GALNT11: variants seen among roughly 807,000 people sequenced by gnomAD.
GALNT11 encodes the protein polypeptide N-acetylgalactosaminyltransferase 11, also known as UDP-GalNAc:polypeptide N-acetylgalactosaminyltransferase 11.
In GALNT11, 47 loss-of-function variants were observed where a neutral mutation model predicts 72.7. That is an observed-to-expected ratio of 0.65 (90% CI 0.51 to 0.82). The LOEUF is 0.82. GALNT11 is among the 40% of genes least tolerant of loss of function. GALNT11 has a pLI of 0.00. For missense variants in GALNT11, 677 were observed against 778.4 expected, an observed-to-expected ratio of 0.87 and a Z score of 1.55; for synonymous variants, 270 against 286.6, an observed-to-expected ratio of 0.94 and a Z score of 0.58.
intron 1 of GALNT11, among the ~76,000 whole-genome samples, chr7:152,032,317 CTGGGAGTCA>C (rs1181739714): frequency 6.6e-6 from 1 of 152,122 alleles, no homozygotes; most frequent in Non-Finnish European, 1.5e-5. Context: ...CAAAGAGAAA[CTGGGAGTCA>C]TGGGAGTCAT....
intron 1 of GALNT11, among the ~76,000 whole-genome samples, 194 bp downstream of exon 1, chr7:152,026,078 CCCAGCGTCTCCT>C (rs2081996893): frequency 6.6e-6 from 1 of 152,066 alleles, no homozygotes; most frequent in African/African-American, 2.4e-5. Context: ...CCGCGCCTCC[CCCAGCGTCTCCT>C]GAGGCTTGTT....
chr7:152,105,188 A>G, intron 4 of GALNT11, 57 bp from the exon 5 acceptor site: 1 of 1,550,002 alleles, frequency 6.5e-7, no homozygotes, highest in African/African-American at 1.4e-5. Context: ...GAATAGCTGT[A>G]AAGTGTCTTT....
intron 1 of GALNT11, among the ~76,000 whole-genome samples, chr7:152,058,167 A>C (rs963349545): frequency 5.3e-5 from 8 of 152,168 alleles, no homozygotes; most frequent in Non-Finnish European, 1.2e-4. Flanking sequence ...TTAAAAAAAA[A>C]GCCCAATGTG....
intron 1 of GALNT11, among the ~76,000 whole-genome samples, chr7:152,072,681 T>C (rs2084728344): frequency 6.6e-6 from 1 of 152,262 alleles, no homozygotes; most frequent in Admixed American, 6.5e-5. Context: ...CTTCCTTTTT[T>C]CCTTTGTTCC....
At chr7:152,060,466 C>T (rs1488387806) in intron 1 of GALNT11, among the ~76,000 whole-genome samples, 1 of 151,826 alleles carries the variant, frequency 6.6e-6, no homozygotes, top group Non-Finnish European at 1.5e-5. Flanking sequence ...AGCTAAATTA[C>T]TGGTAGTTTT....
chr7:152,103,115 T>A lies in GALNT11; in HGVS notation c.423T>A (p.Cys141Ter). 6.2e-7 allele frequency: 1 copy of A among 1,601,992 alleles called. No homozygotes were observed. The highest frequency in any genetic ancestry group is 1.3e-5 in the African/African-American group (1 of 74,816). Residue 141 changes from cysteine to a stop codon, truncating the protein, a stop_gained, in exon 4 of 12, where the codon TGT becomes TGA. Coordinates refer to ENST00000430044, the MANE Select transcript of GALNT11 (RefSeq NM_022087.4). LOFTEE classifies it high-confidence loss of function. Reference sequence around the variant, plus strand: ...TTCCTCATCTTTATCTTTACAGATGTAAAGAAAAGTTCTACCCACCTGACC... The same window carrying A: ...TTCCTCATCTTTATCTTTACAGATGAAAAGAAAAGTTCTACCCACCTGACC... ...RDVPDTRNAA[C>*]KEKFYPPDLP...
intron 2 of GALNT11, among the ~76,000 whole-genome samples, chr7:152,095,625 C>T (rs1439444976): frequency 6.6e-6 from 1 of 152,238 alleles, no homozygotes; most frequent in Non-Finnish European, 1.5e-5. Flanking sequence ...CTTCAATTTT[C>T]ATAAAGTACA....
At chr7:152,090,190 G>C (rs1051841807) in intron 1 of GALNT11, among the ~76,000 whole-genome samples, 1 of 152,178 alleles carries the variant, frequency 6.6e-6, no homozygotes, top group African/African-American at 2.4e-5. Flanking sequence ...GGAGTGACCA[G>C]GGACAGTTTG....
At chr7:152,097,220 T>G (rs997463084) in intron 2 of GALNT11, among the ~76,000 whole-genome samples, 3 of 152,180 alleles carry the variant, frequency 2.0e-5, no homozygotes, top group Admixed American at 1.3e-4. Flanking sequence ...AAAGAAGATA[T>G]GCAAATGGCC....
chr7:152,108,076 A>C lies in GALNT11; in HGVS notation c.751A>C (p.Asn251His). 6.2e-7 allele frequency: 1 copy of C among 1,613,582 alleles called. No homozygotes were observed. Among genetic ancestry groups the C allele is most frequent in the Non-Finnish European group, 8.5e-7 (1 of 1,179,568 alleles). ...GTTCCTGGACAGCCACTGTGAAGTG[A>C]ATGTGATGTGGCTGCAGCCCTTGCT... ...LVFLDSHCEV[N>H]VMWLQPLLAA... Residue 251 changes from asparagine (N) to histidine (H), a missense_variant, in exon 6 of 12, where the codon AAT becomes CAT. By Grantham distance (68) the Asn-to-His change is moderately conservative. Transcript: ENST00000430044.
chr7:152,092,862 A>T (rs555876676), intron 1 of GALNT11, among the ~76,000 whole-genome samples: 5 of 152,342 alleles, frequency 3.3e-5, no homozygotes, highest in South Asian at 4.1e-4. Context: ...AGATGATTTT[A>T]TATGTGCATT....
chr7:152,103,492 T>C (rs779110905), intron 4 of GALNT11: 4 of 451,464 alleles, frequency 8.9e-6, no homozygotes, highest in Middle Eastern at 6.2e-4. Flanking sequence ...GTGAAATTTT[T>C]TCCGTGGCTT....
chr7:152,090,960 C>T (rs1030248581), intron 1 of GALNT11, among the ~76,000 whole-genome samples: 1 of 152,038 alleles, frequency 6.6e-6, no homozygotes, highest in East Asian at 1.9e-4. Context: ...GGCTGAGTGC[C>T]CGGACTTTGC....
chr7:152,031,959 C>G (rs1016626094), intron 1 of GALNT11, among the ~76,000 whole-genome samples: 6 of 152,164 alleles, frequency 3.9e-5, no homozygotes, highest in African/African-American at 1.4e-4. Context: ...TGAGGATAAG[C>G]CAGTATAGGC....
At chr7:152,112,540 C>CA (rs923534651) in intron 7 of GALNT11, among the ~76,000 whole-genome samples, 990 of 86,416 alleles carry the variant, frequency 0.011, 3 homozygotes, top group Middle Eastern at 0.026. Flanking sequence ...TGTGTCTCAA[C>CA]AAAAAAAAAA....
chr7:152,101,525 C>A (rs535544403), intron 3 of GALNT11, among the ~76,000 whole-genome samples: 1 of 151,828 alleles, frequency 6.6e-6, no homozygotes, highest in African/African-American at 2.4e-5. Context: ...CTGGAGTGGT[C>A]CCTGCAGAGA....
chr7:152,037,697 C>T (rs569387505), intron 1 of GALNT11, among the ~76,000 whole-genome samples: 33 of 152,046 alleles, frequency 2.2e-4, no homozygotes, highest in Admixed American at 6.6e-4. Context: ...GTGGTGTGGA[C>T]ATTTTAACAG....
In GALNT11 at chr7:152,062,966, G is replaced by C. The variant is rs111241369; in HGVS notation, c.-38-31224G>C. 4.8e-3 allele frequency among the ~76,000 whole-genome samples: 736 copies of C among 152,270 alleles called. 8 individuals carry two copies. Among genetic ancestry groups the C allele is most frequent in the African/African-American group, 0.017 (702 of 41,550 alleles). The stretch of plus-strand genomic sequence containing the variant: ...CTCTGCCAAGCTTTGGTATCAGGAT[G>C]ATGCTGGCTTCATAAAATGAGTTAG... On this transcript the variant is annotated intron_variant, in intron 1 of 11. Transcript: ENST00000430044.
At chr7:152,082,301 A>T (rs552424853) in intron 1 of GALNT11, among the ~76,000 whole-genome samples, 2 of 152,244 alleles carry the variant, frequency 1.3e-5, no homozygotes, top group Non-Finnish European at 2.9e-5. Context: ...CAGTTTTGCC[A>T]TGAGAGTACA....
Sources: allele counts gnomAD v4.1 joint callset (sites outside exome capture counted in the v4.1 genomes callset), GRCh38; gene constraint gnomAD v4.1.1; transcripts MANE v1.5; gene names NCBI Gene and HGNC (gene_info 2026-07-23, HGNC 2026-07-21).